The following SLC4A4 variants were observed in gnomAD, a reference collection of about 807,000 sequenced individuals.
SLC4A4 encodes the protein solute carrier family 4 member 4, also known as electrogenic sodium bicarbonate cotransporter 1.
In SLC4A4, 27 loss-of-function variants were observed where a neutral mutation model predicts 111.5. The observed-to-expected ratio is 0.24, with a 90% CI of 0.18 to 0.33. The LOEUF is 0.33. Among genes scored for constraint, SLC4A4 ranks in the 10% least tolerant of loss-of-function variants. The pLI, the probability that SLC4A4 is intolerant of heterozygous loss-of-function variation, is 1.00. For missense variants in SLC4A4, 909 were observed against 1,315.5 expected, an observed-to-expected ratio of 0.69 and a Z score of 4.78; for synonymous variants, 443 against 463.4, an observed-to-expected ratio of 0.96 and a Z score of 0.57.
At position 71,478,625 on chromosome 4, in the gene SLC4A4, GGA is replaced by G. The variant is rs971557884; in HGVS notation, c.1903+5657_1903+5658del. 6.6e-5 allele frequency among the ~76,000 whole-genome samples: 10 copies of G among 151,906 alleles called. 1 individual carries two copies. Among genetic ancestry groups the G allele is most frequent in the African/African-American group, 2.2e-4 (9 of 41,470 alleles). On this transcript the variant is annotated intron_variant, in intron 14 of 25. Transcript: ENST00000264485. ...GTCTGTTAGGGGGTTGGGGGCAAGGGGAGGGAGAGCATTAGGAGAAATACCTA... is the reference window on the plus strand; with the variant it reads ...GTCTGTTAGGGGGTTGGGGGCAAGGGGGGAGAGCATTAGGAGAAATACCTA...
chr4:71,445,807 T>G (rs768167568), intron 8 of SLC4A4, among the ~76,000 whole-genome samples: 6 of 152,208 alleles, frequency 3.9e-5, no homozygotes, highest in Non-Finnish European at 8.8e-5. Context: ...GATCAGTCCC[T>G]TTAGAAAAAT....
rs1199183274 is a variant in SLC4A4, at chr4:71,497,702, T to G, written c.2166+10T>G. The G allele has an allele frequency of 1.9e-6, 3 of 1,602,820 alleles. No homozygotes were observed. The highest frequency in any genetic ancestry group is 2.6e-6 in the Non-Finnish European group (3 of 1,170,096). On this transcript the variant is annotated intron_variant, in intron 16 of 25. Coordinates refer to ENST00000264485, the MANE Select transcript of SLC4A4 (RefSeq NM_001098484.3). ...TTATTTTCCAACCACAGTAAGTACC[T>G]GAACTTTAAATGATTTTCATTGGAT...
intron 18 of SLC4A4, among the ~76,000 whole-genome samples, chr4:71,538,718 T>C (rs1734780532): frequency 6.6e-6 from 1 of 152,106 alleles, no homozygotes; most frequent in Admixed American, 6.6e-5. Flanking sequence ...TGGCTCTGGC[T>C]GTCTGTTCTG....
chr4:71,146,712 C>A (rs183859872), intron 2 of SLC4A4, among the ~76,000 whole-genome samples: 1 of 152,108 alleles, frequency 6.6e-6, no homozygotes. Flanking sequence ...ACCACCAGGC[C>A]TGCCCTAAAA....
chr4:71,117,582 T>C (rs910076982), intron 2 of SLC4A4, among the ~76,000 whole-genome samples: 1 of 152,152 alleles, frequency 6.6e-6, no homozygotes, highest in African/African-American at 2.4e-5. Context: ...TCTAGAGACT[T>C]CTCTAAAATG....
intron 16 of SLC4A4, among the ~76,000 whole-genome samples, chr4:71,500,027 C>G (rs1348301189): frequency 6.6e-6 from 1 of 152,110 alleles, no homozygotes; most frequent in African/African-American, 2.4e-5. Flanking sequence ...AATGGCTGTT[C>G]TAATTTACAT....
chr4:71,371,307 G>C lies in SLC4A4; in HGVS notation c.730+14120G>C, dbSNP rs572027659. ...TTCCCAGGCTAGAGTGCAGTGGCTT[G>C]ATCTCGGCTTACTGCAACCTCTGCC... On this transcript the variant is annotated intron_variant, in intron 6 of 25. Transcript: ENST00000264485. Among the ~76,000 whole-genome samples the C allele has an allele frequency of 4.8e-5, 6 of 126,072 alleles. No individual in the cohort carries two copies. The East Asian group carries it at 1.5e-3, about 31-fold the overall frequency. 82.7% of individuals were successfully genotyped at this position (126,072 alleles called of 152,430 possible). A position where few individuals can be genotyped will look rare whatever the true frequency, so the allele number is the denominator to read the frequency against.
intron 2 of SLC4A4, among the ~76,000 whole-genome samples, chr4:71,148,461 A>C (rs1242331764): frequency 6.6e-6 from 1 of 152,124 alleles, no homozygotes; most frequent in Non-Finnish European, 1.5e-5. Flanking sequence ...AACTTGTGTC[A>C]TGGGAGTTTG....
At chr4:71,397,135 G>C (rs1391644979) in intron 6 of SLC4A4, among the ~76,000 whole-genome samples, 1 of 152,156 alleles carries the variant, frequency 6.6e-6, no homozygotes, top group East Asian at 1.9e-4. Context: ...AAGGCCTGGG[G>C]GAGAGGAGGT....
intron 7 of SLC4A4, among the ~76,000 whole-genome samples, chr4:71,433,469 A>G (rs1723826839): frequency 6.6e-6 from 1 of 151,812 alleles, no homozygotes; most frequent in African/African-American, 2.4e-5. Context: ...AATTGCTGTA[A>G]TATCTGCCAT....
chr4:71,409,779 A>G (rs1721194056), intron 7 of SLC4A4, among the ~76,000 whole-genome samples: 1 of 152,152 alleles, frequency 6.6e-6, no homozygotes, highest in Non-Finnish European at 1.5e-5. Context: ...GACCTTCATG[A>G]AAGCCCCTCC....
chr4:71,203,031 G>C (rs931088834), intron 1 of SLC4A4, among the ~76,000 whole-genome samples: 1 of 151,976 alleles, frequency 6.6e-6, no homozygotes, highest in African/African-American at 2.4e-5. Context: ...ACACATTTAA[G>C]ATTTTAGTTC....
At chr4:71,173,664 T>C (rs1042188717) in intron 2 of SLC4A4, among the ~76,000 whole-genome samples, 3 of 152,176 alleles carry the variant, frequency 2.0e-5, no homozygotes, top group Admixed American at 2.0e-4. Flanking sequence ...CATAAGCCAC[T>C]GTGCCTGGCT....
chr4:71,323,878 A>G (rs1434293838), intron 3 of SLC4A4, among the ~76,000 whole-genome samples: 1 of 146,824 alleles, frequency 6.8e-6, no homozygotes, highest in East Asian at 1.9e-4. Context: ...TCCCCAAACT[A>G]CTGTGTTGTT....
chr4:71,165,749 A>G (rs1667179912), intron 2 of SLC4A4, among the ~76,000 whole-genome samples: 1 of 152,182 alleles, frequency 6.6e-6, no homozygotes, highest in African/African-American at 2.4e-5. Context: ...CATTATTTTG[A>G]AATTCTTCTT....
chr4:71,394,310 A>G (rs1036387696), intron 6 of SLC4A4, among the ~76,000 whole-genome samples: 2 of 144,534 alleles, frequency 1.4e-5, no homozygotes, highest in Middle Eastern at 7.4e-3. Flanking sequence ...ATTAGTAAGG[A>G]AAAAAAAATC....
chr4:71,456,411 A>G (rs536626808), intron 12 of SLC4A4, among the ~76,000 whole-genome samples: 1 of 152,284 alleles, frequency 6.6e-6, no homozygotes, highest in African/African-American at 2.4e-5. Context: ...AGTTTTATAT[A>G]TTTTAAGGAC....
intron 2 of SLC4A4, among the ~76,000 whole-genome samples, chr4:71,243,810 G>A (rs1014586988): frequency 6.6e-6 from 1 of 152,120 alleles, no homozygotes; most frequent in Non-Finnish European, 1.5e-5. Context: ...GCTATCCAAA[G>A]GGCTATATCC....
intron 16 of SLC4A4, among the ~76,000 whole-genome samples, chr4:71,514,352 T>G (rs1005626878): frequency 2.0e-5 from 3 of 152,148 alleles, no homozygotes; most frequent in Admixed American, 2.0e-4. Context: ...GCTGCAGCCA[T>G]GTAGGACATG....
Sources: gnomAD v4.1 joint callset for allele counts (sites outside exome capture counted in the v4.1 genomes callset) on GRCh38, gnomAD v4.1.1 for gene constraint, MANE v1.5 for transcripts, NCBI Gene and HGNC (gene_info 2026-07-23, HGNC 2026-07-21) for gene names.